PAQR3: variants seen among roughly 807,000 people sequenced by gnomAD.
The protein encoded by PAQR3 is Raf kinase trapping to Golgi.
PAQR3 carries 39 observed loss-of-function variants against 41.7 expected under a neutral mutation model. The observed-to-expected ratio is 0.93, with a 90% CI of 0.72 to 1.22. PAQR3 has a LOEUF of 1.22. Ranked by LOEUF, PAQR3 falls within the 50% of genes most tolerant of loss-of-function variation. PAQR3 has a pLI of 0.00. For missense variants in PAQR3, 366 were observed against 385.6 expected (o/e 0.95, Z 0.42); for synonymous variants, 140 against 140.6 (o/e 1.00, Z 0.03).
chr4:78,913,230 C>T lies in PAQR3; in HGVS notation c.*7309G>A, dbSNP rs1734760601. 1 of 152,098 alleles carries T rather than the reference C, an allele frequency of 6.6e-6. No homozygotes were observed. The highest frequency in any genetic ancestry group is 1.5e-5 in the Non-Finnish European group (1 of 67,990). The allele number at this position is 152,098 out of a possible 1,614,324, so 9.4% of individuals were successfully genotyped here. A position where few individuals can be genotyped will look rare whatever the true frequency, so the allele number is the denominator to read the frequency against. On this transcript the variant is annotated 3_prime_UTR_variant, in exon 6 of 6. Transcript: ENST00000512733. ...GATTCATGCATCCTGCTGCAAGTAC[C>T]TCTGCACTAATATACCAGATCCTAA...
intron 1 of PAQR3, among the ~76,000 whole-genome samples, chr4:78,938,619 A>G (rs1317755762): frequency 6.6e-6 from 1 of 152,084 alleles, no homozygotes; most frequent in African/African-American, 2.4e-5. Flanking sequence ...TCGGGTGTAT[A>G]TGTTAACTTG....
intron 12 of PAQR3, among the ~76,000 whole-genome samples, chr4:78,887,809 G>A (rs1325668845): frequency 6.6e-6 from 1 of 152,166 alleles, no homozygotes; most frequent in African/African-American, 2.4e-5. Context: ...ATACTAGGAT[G>A]GAATAGGATC....
intron 2 of PAQR3, among the ~76,000 whole-genome samples, chr4:78,931,506 A>G (rs1736891699): frequency 6.6e-6 from 1 of 152,248 alleles, no homozygotes; most frequent in Admixed American, 6.5e-5. Context: ...GATAATTGAT[A>G]AGGTTCTATG....
intron 11 of PAQR3, among the ~76,000 whole-genome samples, chr4:78,890,428 G>A (rs986103515): frequency 1.7e-4 from 25 of 145,728 alleles, no homozygotes; most frequent in South Asian, 4.2e-4. Context: ...ACACACACAC[G>A]TGTCCTGTCC....
intron 12 of PAQR3, chr4:78,887,369 C>A: frequency 1.0e-6 from 1 of 952,538 alleles, no homozygotes; most frequent in South Asian, 1.5e-5. Context: ...AAGTAAGACT[C>A]TGATGTTAGT....
At chr4:78,893,281 C>T (rs1264334598) in intron 11 of PAQR3, among the ~76,000 whole-genome samples, 1 of 152,186 alleles carries the variant, frequency 6.6e-6, no homozygotes, top group East Asian at 1.9e-4. Context: ...TGCAACAATT[C>T]AGTCACATTT....
chr4:78,930,788 G>A (rs4637427), intron 2 of PAQR3, among the ~76,000 whole-genome samples: 6,251 of 151,704 alleles, frequency 0.041, 259 homozygotes, highest in East Asian at 0.22. Flanking sequence ...CCCCAGAGGT[G>A]GCCAGTGATA....
chr4:78,935,416 A>C, intron 1 of PAQR3, 133 bp from the exon 2 acceptor site: 1 of 591,636 alleles, frequency 1.7e-6, no homozygotes, highest in Non-Finnish European at 2.7e-6. Flanking sequence ...TACCTTTCTA[A>C]ATTTGATATA....
intron 4 of PAQR3, 108 bp from the exon 5 acceptor site, chr4:78,924,055 G>T: frequency 2.4e-6 from 2 of 833,030 alleles, no homozygotes; most frequent in Admixed American, 4.6e-5. Context: ...GAACTGTTTT[G>T]CAGACTGTCT....
At chr4:78,897,493 A>G (rs1374083857) in intron 11 of PAQR3, among the ~76,000 whole-genome samples, 2 of 152,196 alleles carry the variant, frequency 1.3e-5, no homozygotes, top group Non-Finnish European at 2.9e-5. Flanking sequence ...ACTTTGAATA[A>G]TATAGGAAAA....
At chr4:78,909,342 G>C (rs1734456741), downstream of PAQR3, among the ~76,000 whole-genome samples, 1 of 141,886 alleles carries the variant, frequency 7.0e-6, no homozygotes, top group Non-Finnish European at 1.5e-5. Context: ...AGCCCCCTTA[G>C]TGTTTTTCTA....
intron 2 of PAQR3, among the ~76,000 whole-genome samples, chr4:78,931,513 T>C (rs1222879758): frequency 6.6e-6 from 1 of 152,272 alleles, no homozygotes; most frequent in Non-Finnish European, 1.5e-5. Flanking sequence ...GATAAGGTTC[T>C]ATGGCAGAAT....
chr4:78,905,439 G>C (rs1023058535), intron 11 of PAQR3, among the ~76,000 whole-genome samples: 1 of 151,702 alleles, frequency 6.6e-6, no homozygotes, highest in African/African-American at 2.4e-5. Context: ...TAAAAACAGT[G>C]GGTGAATATA....
chr4:78,938,549 G>A (rs145366016), intron 1 of PAQR3, among the ~76,000 whole-genome samples: 52 of 152,120 alleles, frequency 3.4e-4, no homozygotes, highest in African/African-American at 8.0e-4. Context: ...ATGAAAACAA[G>A]GGCCATGTTT....
Position 78,918,128 on chromosome 4 carries a change from C to CATAG in PAQR3, c.*2407_*2410dup, listed in dbSNP as rs1659243715. 1 of 967,478 alleles carries CATAG rather than the reference C, an allele frequency of 1.0e-6. No homozygotes were observed. Among genetic ancestry groups the CATAG allele is most frequent in the African/African-American group, 1.8e-5 (1 of 56,670 alleles). 59.9% of individuals were successfully genotyped at this position (967,478 alleles called of 1,614,324 possible). On this transcript the variant is annotated 3_prime_UTR_variant, in exon 6 of 6. Transcript: ENST00000512733. ...AAATTGCTAGACAATTTAAAACAGC[C>CATAG]ATAGATAATTTTAAAATGTAAAATC...
At chr4:78,921,627 T>TG (rs1335279654) in intron 5 of PAQR3, 29 of 927,222 alleles carry the variant, frequency 3.1e-5, no homozygotes, top group Non-Finnish European at 3.7e-5. Flanking sequence ...ATTCTATCCA[T>TG]GGACACCTTG....
chr4:78,887,216 C>G (rs1733143951), exon 13 of PAQR3: 1 of 1,611,710 alleles, frequency 6.2e-7, no homozygotes, highest in Non-Finnish European at 8.5e-7. Flanking sequence ...AATGTAGACT[C>G]ACTTTCTGCT....
rs1735124875 is a variant in PAQR3, at chr4:78,916,845, A to C, written c.*3694T>G. 1.3e-5 allele frequency: 2 copies of C among 151,924 alleles called. No individual in the cohort carries two copies. Among genetic ancestry groups the C allele is most frequent in the Admixed American group, 6.6e-5 (1 of 15,204 alleles). The allele number at this position is 151,924 out of a possible 1,614,324, so 9.4% of individuals were successfully genotyped here. On this transcript the variant is annotated 3_prime_UTR_variant, in exon 6 of 6. Transcript: ENST00000512733. Reference sequence around the variant, plus strand: ...ATTAAAGAGAAAACCTATTTATTGGATTGATGGACTAAGCTTGGCATCAAG... The same window carrying C: ...ATTAAAGAGAAAACCTATTTATTGGCTTGATGGACTAAGCTTGGCATCAAG...
rs1734661992 is a variant in PAQR3, at chr4:78,912,058, T to TA, written c.*8480dup. On this transcript the variant is annotated 3_prime_UTR_variant, in exon 6 of 6. Coordinates refer to ENST00000512733, the MANE Select transcript of PAQR3 (RefSeq NM_001040202.2). ...GATACTTCTGATGGATTCTCGGCAT[T>TA]AACTCCTGTTTCAAAAAAGTGTGAA... The TA allele has an allele frequency of 6.5e-7, 1 of 1,550,016 alleles. No individual in the cohort carries two copies. The highest frequency in any genetic ancestry group is 1.9e-5 in the Admixed American group (1 of 51,876).
Sources: allele counts gnomAD v4.1 joint callset (sites outside exome capture counted in the v4.1 genomes callset), GRCh38; gene constraint gnomAD v4.1.1; transcripts MANE v1.5; gene names NCBI Gene and HGNC (gene_info 2026-07-23, HGNC 2026-07-21).